ESRRB: variants seen among roughly 807,000 people sequenced by gnomAD.
ESRRB encodes the protein estrogen related receptor beta, also known as steroid hormone receptor ERR2.
In ESRRB, 16 loss-of-function variants were observed where a neutral mutation model predicts 46.0. That is an observed-to-expected ratio of 0.35 (90% CI 0.24 to 0.53). The LOEUF is 0.53. Among genes scored for constraint, ESRRB ranks in the 20% least tolerant of loss-of-function variants. The probability of loss-of-function intolerance (pLI) is 0.93; values close to 1 mark genes in which losing one functional copy is unlikely to be tolerated. For synonymous variants in ESRRB, 246 were observed against 259.6 expected, an observed-to-expected ratio of 0.95 and a Z score of 0.50; for missense variants, 488 against 607.4, an observed-to-expected ratio of 0.80 and a Z score of 2.07.
chr14:76,441,307 A>T (rs528368319), intron 2 of ESRRB, among the ~76,000 whole-genome samples: 1 of 152,094 alleles, frequency 6.6e-6, no homozygotes, highest in Non-Finnish European at 1.5e-5. Context: ...AGAGTCAATC[A>T]CTCTGACAAA....
intron 1 of ESRRB, among the ~76,000 whole-genome samples, chr14:76,312,117 T>C (rs1366265656): frequency 6.6e-6 from 1 of 152,040 alleles, no homozygotes; most frequent in Non-Finnish European, 1.5e-5. Context: ...CTTGATTTGT[T>C]TGGGAGAACA....
intron 1 of ESRRB, among the ~76,000 whole-genome samples, chr14:76,315,416 A>T (rs147008230): frequency 1.3e-5 from 2 of 152,278 alleles, no homozygotes; most frequent in Non-Finnish European, 2.9e-5. Context: ...AGAGAGCTGC[A>T]GTTAAGCATG....
At chr14:76,444,032 TGGTTTTGTTCTAACAAAGATTTA>T (rs781220939) in intron 2 of ESRRB, among the ~76,000 whole-genome samples, 15 of 152,192 alleles carry the variant, frequency 9.9e-5, no homozygotes, top group Non-Finnish European at 2.1e-4. Context: ...ATTAACTCTT[TGGTTTTGTTCTAACAAAGATTTA>T]GGTTTTGTTG....
At chr14:76,334,496 G>C (rs972050719) in intron 1 of ESRRB, among the ~76,000 whole-genome samples, 8 of 152,164 alleles carry the variant, frequency 5.3e-5, no homozygotes, top group Non-Finnish European at 1.0e-4. Flanking sequence ...CAGCTGGAGG[G>C]GGAATATTAA....
upstream of ESRRB, among the ~76,000 whole-genome samples, chr14:76,370,829 AC>A (rs1242094925): frequency 4.1e-4 from 62 of 152,328 alleles, no homozygotes; most frequent in African/African-American, 1.4e-3. Flanking sequence ...CACTGCAGCT[AC>A]CATCTTGTAT....
At chr14:76,485,613 G>A (rs963993167) in intron 5 of ESRRB, among the ~76,000 whole-genome samples, 2 of 146,496 alleles carry the variant, frequency 1.4e-5, no homozygotes, top group African/African-American at 5.1e-5. Context: ...TCTGAAGATG[G>A]GCTCCCTATC....
At chr14:76,491,355 G>C in intron 5 of ESRRB, 92 bp from the exon 6 acceptor site, 1 of 1,352,260 alleles carries the variant, frequency 7.4e-7, no homozygotes. Flanking sequence ...AACCAGCCAC[G>C]CCCTGCAACC....
At chr14:76,426,918 A>G (rs1210077279) in intron 1 of ESRRB, among the ~76,000 whole-genome samples, 2 of 152,220 alleles carry the variant, frequency 1.3e-5, no homozygotes, top group South Asian at 2.1e-4. Context: ...TAGTTGAATG[A>G]GTGACAGTGT....
upstream of ESRRB, among the ~76,000 whole-genome samples, chr14:76,370,334 G>T (rs1053598269): frequency 3.3e-5 from 5 of 151,906 alleles, no homozygotes; most frequent in Admixed American, 2.0e-4. Context: ...GGAGACGGAG[G>T]TTGCAGTGAA....
intron 1 of ESRRB, among the ~76,000 whole-genome samples, chr14:76,405,033 G>A (rs567324253): frequency 1.6e-4 from 24 of 152,274 alleles, no homozygotes; most frequent in African/African-American, 4.6e-4. Context: ...ACATAGACAC[G>A]AACTTTAAGC....
At chr14:76,434,152 A>AT (rs201171184) in intron 1 of ESRRB, among the ~76,000 whole-genome samples, 1,575 of 151,884 alleles carry the variant, frequency 0.01, 15 homozygotes, top group Non-Finnish European at 0.015. Flanking sequence ...CTGCCTTTAA[A>AT]TTTTTCATTC....
At chr14:76,395,242 G>A (rs889399492) in intron 1 of ESRRB, among the ~76,000 whole-genome samples, 4 of 152,160 alleles carry the variant, frequency 2.6e-5, no homozygotes, top group South Asian at 4.1e-4. Flanking sequence ...TGAATGCATC[G>A]TCCTGCTGTC....
At chr14:76,385,882 A>C (rs769254665) in intron 1 of ESRRB, among the ~76,000 whole-genome samples, 1 of 152,202 alleles carries the variant, frequency 6.6e-6, no homozygotes, top group Non-Finnish European at 1.5e-5. Context: ...TTAGATGTGT[A>C]GATTCTCTTT....
At chr14:76,443,383 G>C (rs898563572) in intron 2 of ESRRB, among the ~76,000 whole-genome samples, 1 of 152,162 alleles carries the variant, frequency 6.6e-6, no homozygotes, top group Non-Finnish European at 1.5e-5. Flanking sequence ...GAGTCTGGGG[G>C]AAGGCCCTGG....
At chr14:76,388,865 C>T (rs1158371233) in intron 1 of ESRRB, among the ~76,000 whole-genome samples, 1 of 152,180 alleles carries the variant, frequency 6.6e-6, no homozygotes, top group Non-Finnish European at 1.5e-5. Context: ...CCTTGCCTTC[C>T]CATCATTCTC....
chr14:76,477,714 T>C (rs543390425), intron 3 of ESRRB, among the ~76,000 whole-genome samples: 1 of 152,170 alleles, frequency 6.6e-6, no homozygotes, highest in South Asian at 2.1e-4. Flanking sequence ...GGTGTCAGTT[T>C]GTGCATAATT....
rs1340654096 is a variant in ESRRB, at chr14:76,493,883, G to C, written c.1120+2167G>C. Among the ~76,000 whole-genome samples, 4 of 152,234 alleles carry C rather than the reference G, an allele frequency of 2.6e-5. No homozygotes were observed. In the East Asian group the frequency reaches 7.7e-4, roughly 29 times the overall value. ...CTACCCTCCTCTGCCTTGCCCAGAG[G>C]GTTATGTGGCCCTTTCCTTGGCACC... On this transcript the variant is annotated intron_variant, in intron 6 of 6. Transcript: ENST00000644823.
rs745573175 is a variant in ESRRB at position 76,498,882 on chromosome 14, C to T, written c.*424C>T. 3.7e-6 allele frequency: 2 copies of T among 537,466 alleles called. No homozygotes were observed. Among genetic ancestry groups the T allele is most frequent in the Non-Finnish European group, 7.6e-6 (2 of 262,370 alleles). 33.3% of individuals were successfully genotyped at this position (537,466 alleles called of 1,614,324 possible). On this transcript the variant is annotated 3_prime_UTR_variant, in exon 7 of 7. Coordinates refer to ENST00000644823, the MANE Select transcript of ESRRB (RefSeq NM_001379180.1). ...GGTGGGCACTGCTCAGGCTGGATAC[C>T]ACCTGGAGGTTTTCCTTCCGCAGAG...
intron 1 of ESRRB, among the ~76,000 whole-genome samples, chr14:76,317,017 G>A (rs1883808825): frequency 6.6e-6 from 1 of 152,114 alleles, no homozygotes; most frequent in Admixed American, 6.5e-5. Context: ...ACACATGAGA[G>A]GAAGACCTTC....
Sources: allele counts gnomAD v4.1 joint callset (sites outside exome capture counted in the v4.1 genomes callset), GRCh38; gene constraint gnomAD v4.1.1; transcripts MANE v1.5; gene names NCBI Gene and HGNC (gene_info 2026-07-23, HGNC 2026-07-21).